The following COL19A1 variants were observed in gnomAD, a reference collection of about 807,000 sequenced individuals.
COL19A1 encodes collagen type XIX alpha 1 chain, also known as collagen alpha-1(XIX) chain.
Under a neutral mutation model 190.2 loss-of-function variants are expected in COL19A1, and 159 were observed. That is an observed-to-expected ratio of 0.84 (90% CI 0.73 to 0.95). COL19A1 has a LOEUF of 0.95. Ranked by LOEUF, COL19A1 falls within the 40% of genes least tolerant of loss-of-function variation. The probability of loss-of-function intolerance (pLI) is 0.00; values close to 1 mark genes in which losing one functional copy is unlikely to be tolerated. For missense variants in COL19A1, 1,418 were observed against 1,431.9 expected (o/e 0.99, Z 0.16); for synonymous variants, 509 against 458.9 (o/e 1.11, Z -1.39).
chr6:69,981,830 A>T (rs1489678146), intron 11 of COL19A1, among the ~76,000 whole-genome samples: 1 of 152,132 alleles, frequency 6.6e-6, no homozygotes, highest in African/African-American at 2.4e-5. Flanking sequence ...TGCAAAGAAA[A>T]CATTTTAAAA....
chr6:69,891,061 TG>T, intron 2 of COL19A1: 1 of 337,504 alleles, frequency 3.0e-6, no homozygotes, highest in Non-Finnish European at 6.1e-6. Flanking sequence ...TGGAGTTTGA[TG>T]GCCTGAAGGC....
At chr6:70,194,262 A>G (rs542409060) in intron 48 of COL19A1, among the ~76,000 whole-genome samples, 1 of 152,334 alleles carries the variant, frequency 6.6e-6, no homozygotes, top group South Asian at 2.1e-4. Flanking sequence ...ACCCTAGACC[A>G]GGATGACCCA....
intron 5 of COL19A1, among the ~76,000 whole-genome samples, chr6:69,928,445 C>T (rs578145368): frequency 1.3e-5 from 2 of 152,122 alleles, no homozygotes; most frequent in East Asian, 3.9e-4. Flanking sequence ...AGAGTTGAGA[C>T]TTAAATATTT....
rs574649836 is a variant in COL19A1, at chr6:70,123,356, G to T, written c.1341+1414G>T. ...GAAATAGGAACACTTTTACATTGTT[G>T]GTGGGACTGTAAACTAGTTCAACCA... is the stretch of plus-strand genomic sequence containing the variant. On this transcript the variant is annotated intron_variant, in intron 17 of 50. Coordinates refer to ENST00000620364, the MANE Select transcript of COL19A1 (RefSeq NM_001858.6). Among the ~76,000 whole-genome samples the T allele has an allele frequency of 5.3e-5, 8 of 152,084 alleles. No individual in the cohort carries two copies. The East Asian group carries it at 1.5e-3, about 29-fold the overall frequency.
intron 14 of COL19A1, among the ~76,000 whole-genome samples, chr6:70,042,859 C>T (rs1779699180): frequency 6.6e-6 from 1 of 152,174 alleles, no homozygotes; most frequent in Admixed American, 6.5e-5. Context: ...TTTGTTCACC[C>T]ATAAGAAGCA....
In COL19A1 at chr6:70,161,813, A is replaced by C. The variant is rs151091803; in HGVS notation, c.2293-87A>C. 1,350 of 945,946 alleles carry C rather than the reference A, an allele frequency of 1.4e-3. 22 individuals carry two copies. The Admixed American group carries it at 0.027, about 19-fold the overall frequency. The allele number at this position is 945,946 out of a possible 1,614,324, so 58.6% of individuals were successfully genotyped here. Reference sequence around the variant, plus strand: ...TCTCGATTAGCTAAATAAGTGTTTAATGTTCAATGGTCAAAATATTTGATT... The same window carrying C: ...TCTCGATTAGCTAAATAAGTGTTTACTGTTCAATGGTCAAAATATTTGATT... On this transcript the variant is annotated intron_variant, in intron 34 of 50. Transcript: ENST00000620364.
chr6:69,972,953 T>G (rs1423101153), intron 11 of COL19A1, among the ~76,000 whole-genome samples: 1 of 152,216 alleles, frequency 6.6e-6, no homozygotes, highest in Non-Finnish European at 1.5e-5. Context: ...GGCTGTTGAC[T>G]GTAGTGAACC....
intron 11 of COL19A1, among the ~76,000 whole-genome samples, chr6:69,977,430 G>T (rs1432644640): frequency 7.8e-6 from 1 of 127,590 alleles, no homozygotes; most frequent in Non-Finnish European, 1.6e-5. Flanking sequence ...GGGGGAGGGG[G>T]GAGGGGGGAG....
At chr6:70,028,833 T>C (rs1778866987) in intron 12 of COL19A1, among the ~76,000 whole-genome samples, 1 of 152,158 alleles carries the variant, frequency 6.6e-6, no homozygotes. Context: ...TTTAGAACAG[T>C]GTCCAACATA....
intron 15 of COL19A1, among the ~76,000 whole-genome samples, chr6:70,081,509 T>C (rs901160330): frequency 1.1e-4 from 17 of 152,078 alleles, no homozygotes; most frequent in African/African-American, 3.9e-4. Flanking sequence ...AAAAAAAACC[T>C]GAAGCAGTTA....
chr6:69,904,139 A>G (rs1770369040), intron 4 of COL19A1, among the ~76,000 whole-genome samples: 2 of 152,182 alleles, frequency 1.3e-5, no homozygotes, highest in Admixed American at 1.3e-4. Context: ...TGAGCCCAGC[A>G]CAAGATCCCT....
intron 11 of COL19A1, among the ~76,000 whole-genome samples, chr6:69,997,359 G>A (rs868117664): frequency 7.9e-5 from 12 of 152,276 alleles, no homozygotes; most frequent in African/African-American, 1.2e-4. Flanking sequence ...AAAATGGGCC[G>A]GATGTGGTGG....
At chr6:70,075,374 T>A (rs1045469599) in intron 15 of COL19A1, among the ~76,000 whole-genome samples, 6 of 152,206 alleles carry the variant, frequency 3.9e-5, no homozygotes, top group Admixed American at 1.3e-4. Flanking sequence ...CCGCTTGGTG[T>A]CTCCTAAAAT....
intron 11 of COL19A1, among the ~76,000 whole-genome samples, chr6:70,007,675 C>T (rs923265057): frequency 2.0e-5 from 3 of 151,898 alleles, no homozygotes; most frequent in Non-Finnish European, 4.4e-5. Flanking sequence ...TTTCAATACT[C>T]CTCTCTCAAT....
At chr6:70,046,730 T>C (rs747355782) in intron 14 of COL19A1, among the ~76,000 whole-genome samples, 4 of 152,172 alleles carry the variant, frequency 2.6e-5, no homozygotes, top group Non-Finnish European at 5.9e-5. Flanking sequence ...TCTTGCCTTA[T>C]TCATTTTTTC....
At chr6:69,984,375 G>GTTTTAAAGGCAACTTAAGTTGA (rs1269876810) in intron 11 of COL19A1, among the ~76,000 whole-genome samples, 1 of 151,784 alleles carries the variant, frequency 6.6e-6, no homozygotes, top group Non-Finnish European at 1.5e-5. Context: ...ACGTATTTTG[G>GTTTTAAAGGCAACTTAAGTTGA]TTTTAAAGGC....
chr6:69,927,961 C>T lies in COL19A1; in HGVS notation c.319C>T (p.Arg107Ter), dbSNP rs759896577. 3.7e-6 allele frequency: 6 copies of T among 1,613,252 alleles called. No individual in the cohort carries two copies. Among genetic ancestry groups the T allele is most frequent in the East Asian group, 2.2e-5 (1 of 44,868 alleles). The change falls in exon 5 of 51, where the codon CGA (arginine) becomes TGA (stop). Residue 107 changes from arginine to a stop codon, truncating the protein, a stop_gained. Transcript: ENST00000620364. LOFTEE classifies it high-confidence loss of function. ...GGAGTACTCAGTAGCTGCCATGTTTCGAGTACGAAGAAACGCCAAAAAGGA... is the reference window on the plus strand; with the variant it reads ...GGAGTACTCAGTAGCTGCCATGTTTTGAGTACGAAGAAACGCCAAAAAGGA... ...PEEYSVAAMF[R>*]VRRNAKKERW...
chr6:70,044,454 T>C (rs997705888), intron 14 of COL19A1, among the ~76,000 whole-genome samples: 1 of 152,230 alleles, frequency 6.6e-6, no homozygotes, highest in Non-Finnish European at 1.5e-5. Context: ...GCTTTTGGTG[T>C]ATCTCAGCTT....
chr6:70,086,655 A>G (rs907580286), intron 15 of COL19A1, among the ~76,000 whole-genome samples: 2 of 152,214 alleles, frequency 1.3e-5, no homozygotes, highest in African/African-American at 2.4e-5. Flanking sequence ...TGTTATCTAC[A>G]GCAAAAACAA....
Sources: allele counts gnomAD v4.1 joint callset (sites outside exome capture counted in the v4.1 genomes callset), GRCh38; gene constraint gnomAD v4.1.1; transcripts MANE v1.5; gene names NCBI Gene and HGNC (gene_info 2026-07-23, HGNC 2026-07-21).